Variants in PCDHA3 observed in about 807,000 individuals in gnomAD.
The protein encoded by PCDHA3 is protocadherin alpha-3.
Under a neutral mutation model 62.2 loss-of-function variants are expected in PCDHA3, and 41 were observed. The ratio of observed to expected loss-of-function variants is 0.66; its 90% CI spans 0.51 to 0.86. The LOEUF (loss-of-function observed/expected upper bound fraction) is 0.86, where lower values mean the gene tolerates loss of function less well. PCDHA3 is among the 40% of genes least tolerant of loss of function. The pLI is 0.00. For missense variants in PCDHA3, 1,304 were observed against 1,241.2 expected (o/e 1.05, Z -0.76); for synonymous variants, 640 against 555.4 (o/e 1.15, Z -2.14).
chr5:140,875,530 C>T lies in PCDHA3; in HGVS notation c.2394+71939C>T, dbSNP rs782004877. On this transcript the variant is annotated intron_variant, in intron 1 of 3. Transcript: ENST00000522353. Reference sequence around the variant, plus strand: ...CCAGCGTCTGCTGCTCTCGCTTCTGCTCCTTGCAGCCTGGGAGGTGGGGAG... The same window carrying T: ...CCAGCGTCTGCTGCTCTCGCTTCTGTTCCTTGCAGCCTGGGAGGTGGGGAG... 9 of 1,614,004 alleles carry T rather than the reference C, an allele frequency of 5.6e-6. No individual in the cohort carries two copies. The South Asian group carries it at 8.8e-5, about 16-fold the overall frequency.
chr5:140,852,853 C>A, intron 1 of PCDHA3: 1 of 962,938 alleles, frequency 1.0e-6, no homozygotes, highest in Non-Finnish European at 1.3e-6. Context: ...ACTTACTAAG[C>A]ATTTACTATG....
At chr5:140,883,697 G>A (rs376619145) in intron 1 of PCDHA3, 3 of 1,613,880 alleles carry the variant, frequency 1.9e-6, no homozygotes, top group South Asian at 1.1e-5. Flanking sequence ...CATCTTCACG[G>A]TGTCTGCTCA....
Position 141,000,361 on chromosome 5 carries a change from G to GTCTCTCTC in PCDHA3, c.2543-9238_2543-9231dup, listed in dbSNP as rs148596731. 4.9e-4 allele frequency among the ~76,000 whole-genome samples: 13 copies of GTCTCTCTC among 26,444 alleles called. No individual in the cohort carries two copies. In the East Asian group the frequency reaches 6.3e-3, roughly 13 times the overall value. The allele number at this position is 26,444 out of a possible 152,430, so 17.3% of individuals were successfully genotyped here. A position where few individuals can be genotyped will look rare whatever the true frequency, so the allele number is the denominator to read the frequency against. ...CCTATCTCTCTCTCTGTCTCTCTCT[G>GTCTCTCTC]TCTCTCTCTCTCTCTCTCTCTCTCT... is the stretch of plus-strand genomic sequence containing the variant. On this transcript the variant is annotated intron_variant, in intron 3 of 3. Coordinates refer to ENST00000522353, the MANE Select transcript of PCDHA3 (RefSeq NM_018906.3).
In PCDHA3 at chr5:140,941,719, C is replaced by G. The variant is rs76426901; in HGVS notation, c.2395-37230C>G. 1.5e-4 allele frequency among the ~76,000 whole-genome samples: 23 copies of G among 152,260 alleles called. No individual in the cohort carries two copies. The East Asian group carries it at 4.0e-3, about 27-fold the overall frequency. ...GGCTTAGCTTTCCTCCACAATTTGT[C>G]CTAGCAGTTCCCCATTATCTTATCA... is the stretch of plus-strand genomic sequence containing the variant. On this transcript the variant is annotated intron_variant, in intron 1 of 3. Coordinates refer to ENST00000522353, the MANE Select transcript of PCDHA3 (RefSeq NM_018906.3).
At chr5:140,844,047 C>T (rs2150368498) in intron 1 of PCDHA3, among the ~76,000 whole-genome samples, 3 of 149,604 alleles carry the variant, frequency 2.0e-5, no homozygotes, top group East Asian at 1.9e-4. Context: ...TGAAAGTATT[C>T]CCCCAAAGCG....
intron 1 of PCDHA3, among the ~76,000 whole-genome samples, chr5:140,900,724 C>T (rs552317505): frequency 2.0e-5 from 3 of 152,296 alleles, no homozygotes; most frequent in Admixed American, 1.3e-4. Flanking sequence ...GAAATCCTAC[C>T]TAGCAGTGGG....
rs1554204607 is a variant in PCDHA3 at position 140,927,485 on chromosome 5, C to G, written c.2395-51464C>G. On this transcript the variant is annotated intron_variant, in intron 1 of 3. Transcript: ENST00000522353. ...GCACTGGATCGCGAACAGCGCGCCA[C>G]CCACCTGCTGGTGCTTACAGCTCGG... is the stretch of plus-strand genomic sequence containing the variant. The G allele has an allele frequency of 2.5e-6, 4 of 1,614,098 alleles. No individual in the cohort carries two copies. In the Admixed American group the frequency reaches 6.7e-5, roughly 27 times the overall value.
chr5:140,913,099 C>T (rs1413383908), intron 1 of PCDHA3, among the ~76,000 whole-genome samples: 4 of 152,132 alleles, frequency 2.6e-5, no homozygotes, highest in Non-Finnish European at 4.4e-5. Context: ...ATACTGGCCT[C>T]ATAGAATCAG....
intron 1 of PCDHA3, chr5:140,861,500 C>A: frequency 6.2e-6 from 3 of 482,022 alleles, no homozygotes; most frequent in South Asian, 1.6e-5. Flanking sequence ...CTCTGATAGA[C>A]CTCGAGGAGC....
chr5:140,882,374 C>G, intron 1 of PCDHA3: 1 of 1,614,186 alleles, frequency 6.2e-7, no homozygotes, highest in Non-Finnish European at 8.5e-7. Context: ...CTACTCCGTC[C>G]CCGAGGAAGC....
intron 1 of PCDHA3, chr5:140,829,266 A>T: frequency 6.2e-7 from 1 of 1,614,248 alleles, no homozygotes; most frequent in South Asian, 1.1e-5. Context: ...CTGACGCCTC[A>T]CGTCCCTTTC....
rs782723934 is a variant in PCDHA3, at chr5:140,857,452, G to A, written c.2394+53861G>A. The A allele has an allele frequency of 4.4e-6, 7 of 1,598,446 alleles. 1 individual carries two copies. The highest frequency in any genetic ancestry group is 4.3e-6 in the Non-Finnish European group (5 of 1,167,904). ...CGGTGTTCGTGAAGGAGAACAACCC[G>A]CCAGGCTGCCACATCTTCACGGTGT... On this transcript the variant is annotated intron_variant, in intron 1 of 3. Coordinates refer to ENST00000522353, the MANE Select transcript of PCDHA3 (RefSeq NM_018906.3).
chr5:140,843,757 G>A, intron 1 of PCDHA3: 1 of 1,504,904 alleles, frequency 6.6e-7, no homozygotes, highest in Non-Finnish European at 9.1e-7. Context: ...TCTATTTGTG[G>A]AAATTGTAGT....
intron 1 of PCDHA3, chr5:140,926,714 C>G: frequency 1.1e-6 from 1 of 951,084 alleles, no homozygotes; most frequent in Non-Finnish European, 1.4e-6. Context: ...TGGCCAGCCC[C>G]GGCAATGCCG....
intron 1 of PCDHA3, among the ~76,000 whole-genome samples, chr5:140,805,848 T>C (rs1763639170): frequency 6.6e-6 from 1 of 152,198 alleles, no homozygotes; most frequent in Admixed American, 6.5e-5. Flanking sequence ...AGATATGCGA[T>C]CACCTTAAAT....
At position 140,942,409 on chromosome 5, in the gene PCDHA3, TA is replaced by T. The variant is rs78736997; in HGVS notation, c.2395-36528del. Among the ~76,000 whole-genome samples, 464 of 143,336 alleles carry T rather than the reference TA, an allele frequency of 3.2e-3. 2 individuals are homozygous for T. Among genetic ancestry groups the T allele is most frequent in the African/African-American group, 7.7e-3 (304 of 39,312 alleles). The allele number at this position is 143,336 out of a possible 152,430, so 94.0% of individuals were successfully genotyped here. Reference sequence around the variant, plus strand: ...CCTGGGCGACAGATGAGACTCTGTTTAAAAAAAAAAAAGATATCTAACAATA... The same window carrying T: ...CCTGGGCGACAGATGAGACTCTGTTTAAAAAAAAAAAGATATCTAACAATA... On this transcript the variant is annotated intron_variant, in intron 1 of 3. Transcript: ENST00000522353.
chr5:140,878,406 T>A (rs1198360264), intron 1 of PCDHA3, among the ~76,000 whole-genome samples: 2 of 152,254 alleles, frequency 1.3e-5, no homozygotes, highest in Non-Finnish European at 2.9e-5. Flanking sequence ...CAAAATATCT[T>A]CTTTATTTCA....
At position 140,864,979 on chromosome 5, in the gene PCDHA3, CTTGAGACCAGGAGT is replaced by C. The variant is rs2153225793; in HGVS notation, c.2394+61399_2394+61412del. 3.3e-5 allele frequency: 5 copies of C among 152,266 alleles called. No homozygotes were observed. In the South Asian group the frequency reaches 1.0e-3, roughly 32 times the overall value. The allele number at this position is 152,266 out of a possible 1,614,324, so 9.4% of individuals were successfully genotyped here. A position where few individuals can be genotyped will look rare whatever the true frequency, so the allele number is the denominator to read the frequency against. On this transcript the variant is annotated intron_variant, in intron 1 of 3. Coordinates refer to ENST00000522353, the MANE Select transcript of PCDHA3 (RefSeq NM_018906.3). ...TTGGGAAGCCGAGGGAGGAGGATCG[CTTGAGACCAGGAGT>C]TTGAGACCAGCCTCGGCAACATAGT...
Position 140,830,475 on chromosome 5 carries a change from A to G in PCDHA3, c.2394+26884A>G, listed in dbSNP as rs2150187028. Reference sequence around the variant, plus strand: ...GAGAATCAGGATTTAAATGAAGATCATGATGCCAAAGTAAGTGAATTTTCA... The same window carrying G: ...GAGAATCAGGATTTAAATGAAGATCGTGATGCCAAAGTAAGTGAATTTTCA... On this transcript the variant is annotated intron_variant, in intron 1 of 3. Coordinates refer to ENST00000522353, the MANE Select transcript of PCDHA3 (RefSeq NM_018906.3). 8.3e-5 allele frequency: 129 copies of G among 1,550,270 alleles called. No individual in the cohort carries two copies. The highest frequency in any genetic ancestry group is 9.5e-5 in the Non-Finnish European group (109 of 1,144,322).
Sources: allele counts gnomAD v4.1 joint callset (sites outside exome capture counted in the v4.1 genomes callset), GRCh38; gene constraint gnomAD v4.1.1; transcripts MANE v1.5; gene names NCBI Gene and HGNC (gene_info 2026-07-23, HGNC 2026-07-21).